TBC1D4: variants seen among roughly 807,000 people sequenced by gnomAD.
The protein encoded by TBC1D4 is TBC (Tre-2, BUB2, CDC16) domain-containing protein.
A neutral mutation model predicts 142.5 loss-of-function variants in TBC1D4; 121 were observed. The ratio of observed to expected loss-of-function variants is 0.85; its 90% CI spans 0.73 to 0.99. The LOEUF is 0.99. TBC1D4 is among the 50% of genes least tolerant of loss of function. The pLI is 0.00. For synonymous variants in TBC1D4, 630 were observed against 628.2 expected (o/e 1.00, Z -0.04); for missense variants, 1,475 against 1,606.6 (o/e 0.92, Z 1.40).
rs1874506210 is a variant in TBC1D4 at position 75,284,555 on chromosome 13, C to T, written c.*2237G>A. The T allele has an allele frequency of 6.6e-6, 1 of 152,232 alleles. No individual in the cohort carries two copies. The highest frequency in any genetic ancestry group is 2.4e-5 in the African/African-American group (1 of 41,434). The allele number at this position is 152,232 out of a possible 1,614,324, so 9.4% of individuals were successfully genotyped here. ...AGGCAGTCATGCTTGCTCGCATGCC[C>T]ACCACTGCTGTGCAGCCTGGTTCAT... On this transcript the variant is annotated 3_prime_UTR_variant, in exon 21 of 21. Coordinates refer to ENST00000377636, the MANE Select transcript of TBC1D4 (RefSeq NM_014832.5).
At chr13:75,305,938 A>G (rs1359557638) in intron 15 of TBC1D4, among the ~76,000 whole-genome samples, 1 of 152,222 alleles carries the variant, frequency 6.6e-6, no homozygotes, top group East Asian at 1.9e-4. Context: ...ACATATAAAT[A>G]CATACAAGTA....
chr13:75,407,470 A>G (rs1260336180), intron 1 of TBC1D4, among the ~76,000 whole-genome samples: 2 of 152,226 alleles, frequency 1.3e-5, no homozygotes, highest in African/African-American at 4.8e-5. Flanking sequence ...AAACAGAACA[A>G]CTGATATCAA....
chr13:75,332,676 T>C (rs1879853876), intron 8 of TBC1D4, among the ~76,000 whole-genome samples: 1 of 152,256 alleles, frequency 6.6e-6, no homozygotes, highest in Non-Finnish European at 1.5e-5. Context: ...GAAAAAGGCA[T>C]ATTTTATGAA....
chr13:75,442,648 G>A (rs769477689), intron 1 of TBC1D4, among the ~76,000 whole-genome samples: 1 of 151,836 alleles, frequency 6.6e-6, no homozygotes, highest in African/African-American at 2.4e-5. Context: ...GCGTGGTGGT[G>A]CACACCTGTA....
chr13:75,471,468 T>A (rs1429011585), intron 1 of TBC1D4, among the ~76,000 whole-genome samples: 1 of 152,180 alleles, frequency 6.6e-6, no homozygotes, highest in East Asian at 1.9e-4. Context: ...CCAGGCCGGG[T>A]GGCTCAAGCC....
At chr13:75,481,094 T>C (rs1888843945) in intron 1 of TBC1D4, among the ~76,000 whole-genome samples, 176 bp downstream of exon 1, 1 of 152,020 alleles carries the variant, frequency 6.6e-6, no homozygotes, top group Admixed American at 6.5e-5. Context: ...ACGCCTTCTC[T>C]CCCACTCCCA....
chr13:75,413,976 GA>G (rs1157084044), intron 1 of TBC1D4, among the ~76,000 whole-genome samples: 2 of 152,058 alleles, frequency 1.3e-5, no homozygotes, highest in African/African-American at 4.8e-5. Context: ...GCTTAGGGTG[GA>G]AAAAAACAAT....
At chr13:75,473,257 T>C (rs986012958) in intron 1 of TBC1D4, among the ~76,000 whole-genome samples, 2 of 152,148 alleles carry the variant, frequency 1.3e-5, no homozygotes, top group African/African-American at 4.8e-5. Flanking sequence ...TGCTTCGGCC[T>C]CCCAATTTTT....
intron 5 of TBC1D4, among the ~76,000 whole-genome samples, chr13:75,348,952 A>AGTGTGT (rs1226106722): frequency 3.3e-5 from 4 of 120,084 alleles, no homozygotes; most frequent in African/African-American, 1.3e-4. Context: ...AGAGAGAGAG[A>AGTGTGT]GAGTGTGTGT....
chr13:75,362,674 C>T lies in TBC1D4; in HGVS notation c.499-67G>A, dbSNP rs747124815. 6.7e-7 allele frequency: 1 copy of T among 1,499,898 alleles called. No individual in the cohort carries two copies. The highest frequency in any genetic ancestry group is 9.2e-7 in the Non-Finnish European group (1 of 1,084,454). The allele number at this position is 1,499,898 out of a possible 1,614,324, so 92.9% of individuals were successfully genotyped here. A position where few individuals can be genotyped will look rare whatever the true frequency, so the allele number is the denominator to read the frequency against. ...TGAGACAATTTACATTTACCTAGCCCAATTATTACCACATGGAATGTATTT... is the reference window on the plus strand; with the variant it reads ...TGAGACAATTTACATTTACCTAGCCTAATTATTACCACATGGAATGTATTT... On this transcript the variant is annotated intron_variant, in intron 1 of 20. Transcript: ENST00000377636. This position sits in a 1 kb window ranked among gnomAD's most constrained non-coding sequence, Gnocchi z 4.2.
At chr13:75,366,104 G>A (rs577270646) in intron 1 of TBC1D4, among the ~76,000 whole-genome samples, 4 of 152,170 alleles carry the variant, frequency 2.6e-5, no homozygotes, top group Admixed American at 6.5e-5. Flanking sequence ...AAATAATTCC[G>A]CTGCTCAGAA....
At chr13:75,400,293 C>T (rs1042318388) in intron 1 of TBC1D4, among the ~76,000 whole-genome samples, 2 of 152,130 alleles carry the variant, frequency 1.3e-5, no homozygotes. Flanking sequence ...TTTTTTTCCA[C>T]TTCCACTGTT....
intron 1 of TBC1D4, among the ~76,000 whole-genome samples, chr13:75,463,513 T>C (rs369008099): frequency 3.3e-5 from 5 of 152,016 alleles, no homozygotes; most frequent in Middle Eastern, 3.4e-3. Flanking sequence ...AAGAATCTAG[T>C]AGACATGTAC....
At chr13:75,436,948 C>A (rs572735182) in intron 1 of TBC1D4, among the ~76,000 whole-genome samples, 2 of 152,274 alleles carry the variant, frequency 1.3e-5, no homozygotes, top group East Asian at 3.9e-4. Context: ...TGGTATTCCT[C>A]CCAAAACACA....
chr13:75,410,098 G>T (rs979429891), intron 1 of TBC1D4, among the ~76,000 whole-genome samples: 1 of 152,230 alleles, frequency 6.6e-6, no homozygotes, highest in Non-Finnish European at 1.5e-5. Context: ...ATTGTTGTGA[G>T]GTTTAAATAA....
Position 75,482,088 on chromosome 13 carries a change from G to T in TBC1D4, c.-321C>A. On this transcript the variant is annotated 5_prime_UTR_variant, in exon 1 of 21. Coordinates refer to ENST00000377636, the MANE Select transcript of TBC1D4 (RefSeq NM_014832.5). ...CCGTCGCGGGTTTGCAGGGTCAGAGGACCACGCCGAGGGTCCCCGCGGCCG... is the reference window on the plus strand; with the variant it reads ...CCGTCGCGGGTTTGCAGGGTCAGAGTACCACGCCGAGGGTCCCCGCGGCCG... 1 of 269,876 alleles carries T rather than the reference G, an allele frequency of 3.7e-6. No homozygotes were observed. Among genetic ancestry groups the T allele is most frequent in the Non-Finnish European group, 6.9e-6 (1 of 145,388 alleles). 16.7% of individuals were successfully genotyped at this position (269,876 alleles called of 1,614,324 possible). A position where few individuals can be genotyped will look rare whatever the true frequency, so the allele number is the denominator to read the frequency against.
At chr13:75,449,009 G>A (rs1277833098) in intron 1 of TBC1D4, among the ~76,000 whole-genome samples, 2 of 150,536 alleles carry the variant, frequency 1.3e-5, no homozygotes, top group East Asian at 3.9e-4. Context: ...TACACAAAGG[G>A]GAGAATCATG....
intron 1 of TBC1D4, among the ~76,000 whole-genome samples, chr13:75,439,486 T>C (rs1886945100): frequency 6.6e-6 from 1 of 152,226 alleles, no homozygotes; most frequent in Non-Finnish European, 1.5e-5. Flanking sequence ...CTATCCAGAG[T>C]ATTTAACAGA....
chr13:75,340,712 C>T (rs1167838321), intron 7 of TBC1D4, among the ~76,000 whole-genome samples: 2 of 151,904 alleles, frequency 1.3e-5, no homozygotes, highest in African/African-American at 4.8e-5. Context: ...TTTGGGAGGC[C>T]GAGGCGGGGG....
Sources: allele counts gnomAD v4.1 joint callset (sites outside exome capture counted in the v4.1 genomes callset), GRCh38; gene constraint gnomAD v4.1.1; non-coding constraint Gnocchi (gnomAD v3.1); transcripts MANE v1.5; gene names NCBI Gene and HGNC (gene_info 2026-07-23, HGNC 2026-07-21).